Variants in PRIMA1 observed in about 807,000 individuals in gnomAD.
PRIMA1 encodes the protein proline-rich membrane anchor 1.
In PRIMA1, 7 loss-of-function variants were observed where a neutral mutation model predicts 17.5. That is an observed-to-expected ratio of 0.40 (90% confidence interval 0.23 to 0.75). The LOEUF (loss-of-function observed/expected upper bound fraction) is 0.75. PRIMA1 is among the 30% of genes least tolerant of loss of function. The pLI is 0.37. For missense variants in PRIMA1, 200 were observed against 201.8 expected, an observed-to-expected ratio of 0.99 and a Z score of 0.05; for synonymous variants, 97 against 77.9, an observed-to-expected ratio of 1.25 and a Z score of -1.29.
intron 3 of PRIMA1, among the ~76,000 whole-genome samples, chr14:93,755,290 G>A (rs895760703): frequency 6.6e-6 from 1 of 152,200 alleles, no homozygotes; most frequent in African/African-American, 2.4e-5. Flanking sequence ...ACTGTGAGAT[G>A]CAGTGCACAT....
chr14:93,768,791 G>T lies in PRIMA1; in HGVS notation c.229+10385C>A, dbSNP rs1035372583. Among the ~76,000 whole-genome samples the T allele has an allele frequency of 4.7e-5, 7 of 148,448 alleles. No individual in the cohort carries two copies. In the South Asian group the frequency reaches 1.3e-3, roughly 27 times the overall value. ...AGAGGAAAATTCAGTACTTAAAAAA[G>T]ATATGATCACTTTTTTTCTTTTTTT... On this transcript the variant is annotated intron_variant, in intron 3 of 4. Coordinates refer to ENST00000393140, the MANE Select transcript of PRIMA1 (RefSeq NM_178013.4).
At chr14:93,761,158 C>T (rs1238193897) in intron 3 of PRIMA1, among the ~76,000 whole-genome samples, 3 of 152,090 alleles carry the variant, frequency 2.0e-5, no homozygotes, top group East Asian at 3.9e-4. Context: ...TCAGTCTGGC[C>T]AACATGGCGA....
intron 3 of PRIMA1, among the ~76,000 whole-genome samples, chr14:93,755,818 C>A (rs2076287121): frequency 6.6e-6 from 1 of 152,128 alleles, no homozygotes; most frequent in Non-Finnish European, 1.5e-5. Flanking sequence ...CCTCCCACCC[C>A]CCAGAGCCAA....
intron 3 of PRIMA1, among the ~76,000 whole-genome samples, chr14:93,738,999 G>A (rs6575353): frequency 0.84 from 127,113 of 152,118 alleles, 53,808 homozygotes; most frequent in Middle Eastern, 0.91. Context: ...TCCTTCCTTT[G>A]TTGCTGAATA....
In PRIMA1 at chr14:93,721,554, T is replaced by C. The variant is rs974794864; in HGVS notation, c.360-8A>G. ...TCTTTTCTCAGTGGTTTCCTGGAAG[T>C]GGGGGGAGGGGACAGGAAAGGCAAA... On this transcript the variant is annotated splice_region_variant and splice_polypyrimidine_tract_variant and intron_variant, in intron 4 of 4. Transcript: ENST00000393140. 3.8e-6 allele frequency: 6 copies of C among 1,588,170 alleles called. No homozygotes were observed. The highest frequency in any genetic ancestry group is 5.2e-6 in the Non-Finnish European group (6 of 1,160,356).
chr14:93,747,564 G>A (rs1039150343), intron 3 of PRIMA1, among the ~76,000 whole-genome samples: 1 of 151,970 alleles, frequency 6.6e-6, no homozygotes, highest in African/African-American at 2.4e-5. Context: ...GAGTGTGAGT[G>A]TGGGGGAGTG....
intron 3 of PRIMA1, among the ~76,000 whole-genome samples, chr14:93,774,217 G>A (rs922336055): frequency 6.6e-6 from 1 of 152,226 alleles, no homozygotes; most frequent in East Asian, 1.9e-4. Flanking sequence ...CAGCAGTGGG[G>A]TGACCCGCTG....
intron 4 of PRIMA1, among the ~76,000 whole-genome samples, chr14:93,736,041 C>A (rs2076148014): frequency 6.6e-6 from 1 of 152,154 alleles, no homozygotes; most frequent in Admixed American, 6.5e-5. Context: ...GGTCTTAGAG[C>A]ATTGGGCCTT....
intron 4 of PRIMA1, among the ~76,000 whole-genome samples, chr14:93,729,637 ACT>A (rs2076100929): frequency 6.6e-6 from 1 of 152,064 alleles, no homozygotes. Flanking sequence ...TTTGGCCCTG[ACT>A]CTGCAGATCA....
chr14:93,769,630 C>T lies in PRIMA1; in HGVS notation c.229+9546G>A, dbSNP rs960413179. On this transcript the variant is annotated intron_variant, in intron 3 of 4. Coordinates refer to ENST00000393140, the MANE Select transcript of PRIMA1 (RefSeq NM_178013.4). Reference sequence around the variant, plus strand: ...TGAGGTTTCATAAGGAGCCTGTCGCCTGCAGGGAAGGCGGGTCACGGGGAC... The same window carrying T: ...TGAGGTTTCATAAGGAGCCTGTCGCTTGCAGGGAAGGCGGGTCACGGGGAC... 2.6e-5 allele frequency among the ~76,000 whole-genome samples: 4 copies of T among 152,196 alleles called. No homozygotes were observed. In the East Asian group the frequency reaches 5.8e-4, roughly 22 times the overall value.
intron 3 of PRIMA1, among the ~76,000 whole-genome samples, chr14:93,762,936 C>T (rs1884776072): frequency 6.6e-6 from 1 of 152,178 alleles, no homozygotes; most frequent in Non-Finnish European, 1.5e-5. Flanking sequence ...AGGTGCCAGC[C>T]TGCATTGGTC....
At chr14:93,766,768 T>G (rs997981466) in intron 3 of PRIMA1, among the ~76,000 whole-genome samples, 6 of 152,174 alleles carry the variant, frequency 3.9e-5, no homozygotes, top group African/African-American at 1.4e-4. Flanking sequence ...TATTTTCCCA[T>G]GAACAGCAAA....
At chr14:93,769,535 G>A (rs562526028) in intron 3 of PRIMA1, among the ~76,000 whole-genome samples, 99 of 152,326 alleles carry the variant, frequency 6.5e-4, no homozygotes, top group African/African-American at 2.3e-3. Context: ...CATGGCCCGT[G>A]TTTGATGCCC....
At chr14:93,749,333 G>A (rs1306086485) in intron 3 of PRIMA1, among the ~76,000 whole-genome samples, 2 of 152,138 alleles carry the variant, frequency 1.3e-5, no homozygotes, top group Admixed American at 6.5e-5. Flanking sequence ...ATTCAGCTGC[G>A]AATCCACTCA....
chr14:93,777,388 G>C (rs1474536483), intron 3 of PRIMA1, among the ~76,000 whole-genome samples: 1 of 152,158 alleles, frequency 6.6e-6, no homozygotes, highest in Non-Finnish European at 1.5e-5. Flanking sequence ...CCAGGCTGGA[G>C]TGCAGTGGCG....
chr14:93,782,125 G>C (rs550000937), intron 2 of PRIMA1, among the ~76,000 whole-genome samples: 3 of 152,178 alleles, frequency 2.0e-5, no homozygotes, highest in Admixed American at 1.3e-4. Context: ...AAAATTAGCC[G>C]GGCGTGGCGG....
chr14:93,748,602 G>A (rs1049078582), intron 3 of PRIMA1, among the ~76,000 whole-genome samples: 6 of 151,954 alleles, frequency 3.9e-5, no homozygotes, highest in African/African-American at 1.4e-4. Flanking sequence ...GCTGGTGGCC[G>A]AGGCCCTTCC....
At chr14:93,764,456 C>T (rs1337876545) in intron 3 of PRIMA1, among the ~76,000 whole-genome samples, 1 of 151,946 alleles carries the variant, frequency 6.6e-6, no homozygotes, top group East Asian at 1.9e-4. Flanking sequence ...TGTCCACAGG[C>T]ATCTCAAACT....
intron 3 of PRIMA1, among the ~76,000 whole-genome samples, chr14:93,759,796 G>C (rs999110537): frequency 6.6e-6 from 1 of 152,186 alleles, no homozygotes; most frequent in Non-Finnish European, 1.5e-5. Context: ...AGCAAGCAGT[G>C]GGGAGGGGGA....
Sources: allele counts gnomAD v4.1 joint callset (sites outside exome capture counted in the v4.1 genomes callset), GRCh38; gene constraint gnomAD v4.1.1; transcripts MANE v1.5; gene names NCBI Gene and HGNC (gene_info 2026-07-23, HGNC 2026-07-21).